The following TYW1 variants were observed in gnomAD, a reference collection of about 807,000 sequenced individuals.
The protein encoded by TYW1 is tRNA-yW synthesizing protein 1 homolog.
TYW1 carries 46 observed loss-of-function variants against 96.2 expected under a neutral mutation model. The ratio of observed to expected loss-of-function variants is 0.48; its 90% confidence interval spans 0.38 to 0.61. TYW1 has a LOEUF of 0.61. Ranked by LOEUF, TYW1 falls within the 20% of genes least tolerant of loss-of-function variation. The pLI is 0.00. For synonymous variants in TYW1, 274 were observed against 323.0 expected, an observed-to-expected ratio of 0.85 and a Z score of 1.63; for missense variants, 684 against 909.6, an observed-to-expected ratio of 0.75 and a Z score of 3.19.
chr7:67,075,984 C>T (rs1796190424), intron 10 of TYW1, among the ~76,000 whole-genome samples: 1 of 152,200 alleles, frequency 6.6e-6, no homozygotes, highest in Non-Finnish European at 1.5e-5. Flanking sequence ...TCTTAGCTCC[C>T]ACAATTTAGC....
intron 11 of TYW1, chr7:67,089,412 C>T: frequency 2.4e-6 from 3 of 1,254,756 alleles, no homozygotes; most frequent in Admixed American, 1.7e-5. Context: ...TGGTAAAGGT[C>T]GAAGCGCTGG....
In TYW1 at chr7:67,090,585, CT is replaced by C. The variant is rs1796682329; in HGVS notation, c.1384+7048del. The stretch of plus-strand genomic sequence containing the variant: ...AATAAGAAAAATGTCAGAAAACTTG[CT>C]TAACCAAAAAACCCAAAGAATTAGA... On this transcript the variant is annotated intron_variant, in intron 11 of 15. Coordinates refer to ENST00000359626, the MANE Select transcript of TYW1 (RefSeq NM_018264.4). 2.6e-5 allele frequency among the ~76,000 whole-genome samples: 4 copies of C among 152,232 alleles called. No individual in the cohort carries two copies. In the South Asian group the frequency reaches 8.3e-4, roughly 32 times the overall value.
chr7:67,019,832 T>C (rs1255357149), intron 6 of TYW1, among the ~76,000 whole-genome samples: 2 of 152,288 alleles, frequency 1.3e-5, no homozygotes, highest in African/African-American at 4.8e-5. Flanking sequence ...TATTGATTAG[T>C]GATTAGCTAT....
At chr7:67,148,860 T>G (rs1435358899) in intron 13 of TYW1, among the ~76,000 whole-genome samples, 5 of 152,196 alleles carry the variant, frequency 3.3e-5, no homozygotes, top group Non-Finnish European at 7.3e-5. Flanking sequence ...TAACCATTGC[T>G]TTCAATTTGT....
intron 12 of TYW1, among the ~76,000 whole-genome samples, chr7:67,116,465 C>T (rs11766419): frequency 0.28 from 41,954 of 151,708 alleles, 6,639 homozygotes; most frequent in African/African-American, 0.44. Context: ...GTGGGTGGAT[C>T]GCTTGAGCCC....
At chr7:67,121,572 A>C (rs1797761721) in intron 13 of TYW1, among the ~76,000 whole-genome samples, 1 of 151,974 alleles carries the variant, frequency 6.6e-6, no homozygotes, top group Admixed American at 6.6e-5. Flanking sequence ...AAAAATAAAA[A>C]CTCAAGTGAT....
intron 3 of TYW1, among the ~76,000 whole-genome samples, chr7:67,003,589 A>G (rs1347765557): frequency 6.6e-6 from 1 of 151,804 alleles, no homozygotes; most frequent in Non-Finnish European, 1.5e-5. Context: ...GTTTTGAAAT[A>G]ATTATTCTTG....
intron 5 of TYW1, among the ~76,000 whole-genome samples, chr7:67,017,619 TC>T (rs1370400546): frequency 6.6e-6 from 1 of 152,140 alleles, no homozygotes; most frequent in Non-Finnish European, 1.5e-5. Flanking sequence ...GGTTTGTTTG[TC>T]CTTTTGTTTA....
intron 15 of TYW1, among the ~76,000 whole-genome samples, chr7:67,221,050 C>A (rs902804507): frequency 1.3e-5 from 2 of 152,184 alleles, no homozygotes; most frequent in Non-Finnish European, 1.5e-5. Context: ...TCTTGCTTAT[C>A]TTTCTCTGGT....
chr7:67,017,497 A>G (rs1331161892), intron 5 of TYW1, among the ~76,000 whole-genome samples: 1 of 152,092 alleles, frequency 6.6e-6, no homozygotes, highest in African/African-American at 2.4e-5. Flanking sequence ...AGGCTTTGTT[A>G]CATTTTTGGA....
rs564696906 is a variant in TYW1 at position 67,233,208 on chromosome 7, C to A, written c.1978-5100C>A. Among the ~76,000 whole-genome samples, 215 of 126,630 alleles carry A rather than the reference C, an allele frequency of 1.7e-3. 45 individuals are homozygous for A. The highest frequency in any genetic ancestry group is 6.7e-3 in the African/African-American group (206 of 30,658). The allele number at this position is 126,630 out of a possible 152,430, so 83.1% of individuals were successfully genotyped here. A position where few individuals can be genotyped will look rare whatever the true frequency, so the allele number is the denominator to read the frequency against. Reference sequence around the variant, plus strand: ...GTAGCTTTATTTTTATGTTATATATCTTTTTTAAATGTTCTTACTGTCATT... The same window carrying A: ...GTAGCTTTATTTTTATGTTATATATATTTTTTAAATGTTCTTACTGTCATT... On this transcript the variant is annotated intron_variant, in intron 15 of 15. Transcript: ENST00000359626.
chr7:67,229,128 G>A (rs530220013), intron 15 of TYW1, among the ~76,000 whole-genome samples: 3 of 152,298 alleles, frequency 2.0e-5, no homozygotes, highest in Non-Finnish European at 2.9e-5. Flanking sequence ...GGCTCCCCTC[G>A]TTTGCCTAAG....
chr7:67,001,051 C>G (rs1053151369), intron 3 of TYW1, among the ~76,000 whole-genome samples: 6 of 151,514 alleles, frequency 4.0e-5, no homozygotes, highest in Admixed American at 1.3e-4. Flanking sequence ...TATAAAAAAC[C>G]TTTTTCAGAG....
chr7:67,225,330 A>G (rs1004477339), intron 15 of TYW1, among the ~76,000 whole-genome samples: 13 of 152,194 alleles, frequency 8.5e-5, no homozygotes, highest in African/African-American at 3.1e-4. Flanking sequence ...GGAAGGTGAA[A>G]TGTCCTTTGG....
At chr7:67,229,430 T>G (rs1801675263) in intron 15 of TYW1, among the ~76,000 whole-genome samples, 1 of 151,774 alleles carries the variant, frequency 6.6e-6, no homozygotes, top group African/African-American at 2.4e-5. Context: ...TCCCAGCTAC[T>G]CAGGAGGCTG....
At chr7:67,175,442 A>G (rs576914867) in intron 13 of TYW1, among the ~76,000 whole-genome samples, 22 of 152,336 alleles carry the variant, frequency 1.4e-4, no homozygotes, top group African/African-American at 5.3e-4. Flanking sequence ...AAGTGCTGGG[A>G]TTACAGGCAT....
intron 8 of TYW1, among the ~76,000 whole-genome samples, chr7:67,052,281 A>G (rs1346368593): frequency 6.6e-6 from 1 of 152,108 alleles, no homozygotes; most frequent in African/African-American, 2.4e-5. Context: ...GACTACAGTT[A>G]TATATGTAAT....
intron 11 of TYW1, among the ~76,000 whole-genome samples, chr7:67,086,463 G>A (rs1796551686): frequency 6.6e-6 from 1 of 152,190 alleles, no homozygotes; most frequent in African/African-American, 2.4e-5. Context: ...TGTGTGTGAG[G>A]GGAGAGAGAG....
chr7:67,127,673 C>A (rs1797949115), intron 13 of TYW1, among the ~76,000 whole-genome samples: 1 of 152,130 alleles, frequency 6.6e-6, no homozygotes, highest in South Asian at 2.1e-4. Flanking sequence ...TTTCTTAGAT[C>A]TGAGTTTCTG....
Sources: allele counts gnomAD v4.1 joint callset (sites outside exome capture counted in the v4.1 genomes callset), GRCh38; gene constraint gnomAD v4.1.1; transcripts MANE v1.5; gene names NCBI Gene and HGNC (gene_info 2026-07-23, HGNC 2026-07-21).